The following DCTN1 variants were observed in gnomAD, a reference collection of about 807,000 sequenced individuals.
The protein encoded by DCTN1 is 150 kDa dynein-associated polypeptide.
Under a neutral mutation model 161.2 loss-of-function variants are expected in DCTN1, and 61 were observed. The observed-to-expected ratio is 0.38, with a 90% CI of 0.31 to 0.47. The LOEUF is 0.47. Among genes scored for constraint, DCTN1 ranks in the 20% least tolerant of loss-of-function variants. The probability of loss-of-function intolerance (pLI) is 0.99; values close to 1 mark genes in which losing one functional copy is unlikely to be tolerated. For synonymous variants in DCTN1, 653 were observed against 632.4 expected (o/e 1.03, Z -0.49); for missense variants, 1,404 against 1,623.7 (o/e 0.86, Z 2.33).
chr2:74,367,647 G>C, intron 18 of DCTN1, 49 bp downstream of exon 18: 1 of 1,613,034 alleles, frequency 6.2e-7, no homozygotes, highest in African/African-American at 1.3e-5. Flanking sequence ...CCCCCATCAA[G>C]TGAAAGCTTC....
chr2:74,365,740 T>G, intron 24 of DCTN1, 83 bp from the exon 25 acceptor site: 1 of 1,612,078 alleles, frequency 6.2e-7, no homozygotes, highest in South Asian at 1.1e-5. Context: ...AGATAGTAGG[T>G]TCCCTGAGGG....
chr2:74,365,683 C>A, intron 24 of DCTN1, 26 bp from the exon 25 acceptor site: 1 of 1,614,046 alleles, frequency 6.2e-7, no homozygotes, highest in Non-Finnish European at 8.5e-7. Flanking sequence ...ACTTCTAGAT[C>A]CCTGACATCC....
upstream of DCTN1, among the ~76,000 whole-genome samples, chr2:74,383,069 G>C (rs1326545460): frequency 6.7e-6 from 1 of 149,006 alleles, no homozygotes; most frequent in African/African-American, 2.5e-5. Context: ...GCGACAGAGC[G>C]AGACTCCGTC....
Position 74,369,339 on chromosome 2 carries a change from C to T in DCTN1, c.1545G>A (p.Gln515=), listed in dbSNP as rs1229911619. Residue 515 remains glutamine, a synonymous_variant, in exon 14 of 32, where the codon CAG becomes CAA. Transcript: ENST00000628224. This position sits in a 1 kb window ranked among gnomAD's most constrained non-coding sequence, Gnocchi z 4.9. The part of the protein sequence containing the change: ...AAQETVADYQ[Q]TIKKYRQLTA... ...TCAGCTGGCGGTACTTCTTGATGGT[C>T]TGCTGGTAGTCTGCAACCGTCTCCT... The T allele has an allele frequency of 1.9e-6, 3 of 1,614,078 alleles. No individual in the cohort carries two copies. The East Asian group carries it at 6.7e-5, about 36-fold the overall frequency.
chr2:74,377,949 T>A, intron 2 of DCTN1, 51 bp downstream of exon 2: 1 of 1,611,396 alleles, frequency 6.2e-7, no homozygotes, highest in South Asian at 1.1e-5. Context: ...CAGCTGCACA[T>A]GCGACAGACA....
At chr2:74,365,458 G>A in intron 25 of DCTN1, 57 bp downstream of exon 25, 1 of 1,613,272 alleles carries the variant, frequency 6.2e-7, no homozygotes, top group Non-Finnish European at 8.5e-7. Context: ...TTAGGAGGCA[G>A]AGAGCTCCAG....
chr2:74,375,893 T>A (rs1470981003), intron 5 of DCTN1, among the ~76,000 whole-genome samples: 1 of 152,004 alleles, frequency 6.6e-6, no homozygotes, highest in African/African-American at 2.4e-5. Flanking sequence ...ATCCAGCAGC[T>A]CTCCATGCAA....
At chr2:74,390,925 T>C (rs530780391) in intron 1 of DCTN1, among the ~76,000 whole-genome samples, 1 of 152,346 alleles carries the variant, frequency 6.6e-6, no homozygotes, top group East Asian at 1.9e-4. Context: ...TATATCCTAG[T>C]AAAATTTTCA....
chr2:74,373,692 G>T (rs949140510), intron 6 of DCTN1, among the ~76,000 whole-genome samples: 5 of 152,354 alleles, frequency 3.3e-5, no homozygotes, highest in African/African-American at 1.2e-4. Flanking sequence ...ACTGCAAAAT[G>T]GTAAGTGGAC....
chr2:74,390,406 G>GA (rs1237751352), intron 1 of DCTN1, among the ~76,000 whole-genome samples: 1 of 152,170 alleles, frequency 6.6e-6, no homozygotes. Flanking sequence ...AATAAAATGG[G>GA]ATGCCCTATA....
At position 74,363,695 on chromosome 2, in the gene DCTN1, AC is replaced by A; in HGVS notation, c.3197-68del. The stretch of plus-strand genomic sequence containing the variant: ...AGAGGAGTTAGGTGATTTGGGGGTT[AC>A]GGGGACACACCAGAGGAATCCTGGA... On this transcript the variant is annotated intron_variant, in intron 26 of 31. Coordinates refer to ENST00000628224, the MANE Select transcript of DCTN1 (RefSeq NM_004082.5). The A allele has an allele frequency of 1.9e-6, 3 of 1,599,122 alleles. No individual in the cohort carries two copies. In the South Asian group the frequency reaches 3.4e-5, roughly 18 times the overall value.
intron 6 of DCTN1, chr2:74,374,049 T>C (rs1045725274): frequency 5.5e-5 from 27 of 494,196 alleles, no homozygotes; most frequent in Non-Finnish European, 8.8e-5. Flanking sequence ...AGATCCGGTA[T>C]GCGGTAGAGG....
intron 6 of DCTN1, 38 bp from the exon 7 acceptor site, chr2:74,372,986 G>C (rs112570510): frequency 6.2e-7 from 1 of 1,606,768 alleles, no homozygotes; most frequent in Non-Finnish European, 8.5e-7. Context: ...AAGTAGTCAG[G>C]AAAGAAAGGA....
chr2:74,384,932 C>G (rs1383222033), upstream of DCTN1: 2 of 152,216 alleles, frequency 1.3e-5, no homozygotes, highest in African/African-American at 4.8e-5. Context: ...AGGAAAAGGT[C>G]TGCTTACTGA....
Position 74,370,831 on chromosome 2 carries a change from G to A in DCTN1, c.844-6C>T, listed in dbSNP as rs778907945. On this transcript the variant is annotated splice_region_variant and splice_polypyrimidine_tract_variant and intron_variant, in intron 9 of 31. Transcript: ENST00000628224. The surrounding 1 kb of genome is among the most constrained non-coding windows in gnomAD (Gnocchi z 4.4). ...TCCAGCGCCTCCTTGGCTTCCTGAGGAAGAAGTGGAGGTGGGAGGGGGTAC... is the reference window on the plus strand; with the variant it reads ...TCCAGCGCCTCCTTGGCTTCCTGAGAAAGAAGTGGAGGTGGGAGGGGGTAC... The A allele has an allele frequency of 1.4e-5, 22 of 1,614,046 alleles. No individual in the cohort carries two copies. The highest frequency in any genetic ancestry group is 1.8e-5 in the Non-Finnish European group (21 of 1,180,036).
chr2:74,371,351 G>C (rs893696093), intron 8 of DCTN1, 175 bp from the exon 9 acceptor site: 5 of 1,434,330 alleles, frequency 3.5e-6, no homozygotes, highest in Non-Finnish European at 4.8e-6. Context: ...TATGGGGAAA[G>C]TATGGCATAA....
chr2:74,366,327 A>G lies in DCTN1; in HGVS notation c.2677T>C (p.Cys893Arg). The G allele has an allele frequency of 6.2e-7, 1 of 1,614,208 alleles. No homozygotes were observed. The highest frequency in any genetic ancestry group is 1.1e-5 in the South Asian group (1 of 91,084). The change falls in exon 23 of 32, where the codon TGC (cysteine) becomes CGC (arginine). Residue 893 changes from cysteine to arginine, a missense_variant. Physicochemically the swap from Cys to Arg is radical, Grantham distance 180 (BLOSUM62 -3). Around this residue, in one of 9 missense-constraint regions of DCTN1, gnomAD observed 475 missense variants for 489.8 expected, o/e 0.97. Transcript: ENST00000628224. ...SSPYECLRQS[C>R]NILISTMNKL... ...TTCATGGTACTGATGAGGATGTTGC[A>G]TGACTGGCGCAGACACTCATAGGGG... is the stretch of plus-strand genomic sequence containing the variant.
Position 74,376,608 on chromosome 2 carries a change from A to C in DCTN1, c.414+134T>G, listed in dbSNP as rs1361359732. ...CCCTTCAAAGGAACTCTGAAAGCCAAGGCCACCATTTCCTCTGGCCATCCC... is the reference window on the plus strand; with the variant it reads ...CCCTTCAAAGGAACTCTGAAAGCCACGGCCACCATTTCCTCTGGCCATCCC... On this transcript the variant is annotated intron_variant, in intron 5 of 31. Coordinates refer to ENST00000628224, the MANE Select transcript of DCTN1 (RefSeq NM_004082.5). 7 of 844,994 alleles carry C rather than the reference A, an allele frequency of 8.3e-6. No individual in the cohort carries two copies. In the African/African-American group the frequency reaches 1.2e-4, roughly 14 times the overall value. The allele number at this position is 844,994 out of a possible 1,614,324, so 52.3% of individuals were successfully genotyped here. A position where few individuals can be genotyped will look rare whatever the true frequency, so the allele number is the denominator to read the frequency against.
At chr2:74,362,313 T>C (rs1010091914) in intron 30 of DCTN1, among the ~76,000 whole-genome samples, 172 bp from the exon 31 acceptor site, 1 of 152,250 alleles carries the variant, frequency 6.6e-6, no homozygotes, top group Non-Finnish European at 1.5e-5. Flanking sequence ...CACTCCTCCT[T>C]ACTTTGCAAG....
Sources: allele counts gnomAD v4.1 joint callset (sites outside exome capture counted in the v4.1 genomes callset), GRCh38; gene constraint gnomAD v4.1.1; regional missense constraint gnomAD v4.1.1; non-coding constraint Gnocchi (gnomAD v3.1); transcripts MANE v1.5; gene names NCBI Gene and HGNC (gene_info 2026-07-23, HGNC 2026-07-21).